Variants in UBXN4 observed in about 807,000 individuals in gnomAD.
UBXN4 encodes UBX domain protein 4, also known as UBX domain-containing protein 4.
Under a neutral mutation model 66.2 loss-of-function variants are expected in UBXN4, and 35 were observed. The observed-to-expected ratio is 0.53, with a 90% CI of 0.40 to 0.70. The LOEUF is 0.70. Among genes scored for constraint, UBXN4 ranks in the 30% least tolerant of loss-of-function variants. UBXN4 has a pLI of 0.00. For missense variants in UBXN4, 533 were observed against 599.8 expected (o/e 0.89, Z 1.16); for synonymous variants, 203 against 204.5 (o/e 0.99, Z 0.06).
chr2:135,755,734 C>T (rs187744869), intron 5 of UBXN4, 43 bp downstream of exon 5: 1 of 1,236,312 alleles, frequency 8.1e-7, no homozygotes, highest in Non-Finnish European at 1.1e-6. Flanking sequence ...GAAGCTCCTT[C>T]ACTACATTTT....
intron 3 of UBXN4, 160 bp from the exon 4 acceptor site, chr2:135,753,999 T>C (rs2077263394): frequency 3.4e-6 from 2 of 590,498 alleles, no homozygotes; most frequent in Admixed American, 6.5e-5. Flanking sequence ...CATGTATTAA[T>C]ACTACAGGTA....
chr2:135,772,354 GT>G, intron 8 of UBXN4, 65 bp from the exon 9 acceptor site: 2 of 1,567,858 alleles, frequency 1.3e-6, no homozygotes, highest in Non-Finnish European at 1.7e-6. Flanking sequence ...ATGCATATTT[GT>G]TTGGAATTGT....
rs748274140 is a variant in UBXN4 at position 135,761,805 on chromosome 2, T to A, written c.509-13T>A. 8 of 1,584,470 alleles carry A rather than the reference T, an allele frequency of 5.0e-6. No individual in the cohort carries two copies. The South Asian group carries it at 9.4e-5, about 19-fold the overall frequency. On this transcript the variant is annotated splice_polypyrimidine_tract_variant and intron_variant, in intron 5 of 12. Transcript: ENST00000272638. ...AATGCAGTATTCTTATTTCTTTTTA[T>A]TTAATAATTAAGGAGGAGAAAGTGC...
chr2:135,775,325 T>C (rs892242816), intron 9 of UBXN4, among the ~76,000 whole-genome samples: 2 of 152,194 alleles, frequency 1.3e-5, no homozygotes, highest in Admixed American at 1.3e-4. Context: ...TCCAAGAGAA[T>C]TGAAAACGTC....
chr2:135,774,968 C>T (rs1437314698), intron 9 of UBXN4, among the ~76,000 whole-genome samples: 1 of 151,920 alleles, frequency 6.6e-6, no homozygotes, highest in Non-Finnish European at 1.5e-5. Flanking sequence ...ATAAAGACAC[C>T]CAGTTCAAAT....
rs781746776 is a variant in UBXN4, at chr2:135,741,892, A to G, written c.-38A>G. ...CGGAGCCGGCTTCGGGACTGCGGAG[A>G]CTACACACCGAGCGAGCGCCTGGGC... On this transcript the variant is annotated 5_prime_UTR_variant, in exon 1 of 13. Coordinates refer to ENST00000272638, the MANE Select transcript of UBXN4 (RefSeq NM_014607.4). 2.0e-5 allele frequency: 32 copies of G among 1,593,492 alleles called. No homozygotes were observed. The Admixed American group carries it at 5.6e-4, about 28-fold the overall frequency.
intron 1 of UBXN4, chr2:135,747,675 C>A: frequency 2.2e-6 from 1 of 456,370 alleles, no homozygotes; most frequent in Non-Finnish European, 4.4e-6. Flanking sequence ...CACTGTGTCA[C>A]CCAGGCTGGA....
Position 135,749,067 on chromosome 2 carries a change from T to C in UBXN4, c.185+698T>C, listed in dbSNP as rs142326528. ...AAAAAAAAAAAGAATGTTTATGCTA[T>C]GTTTTTGGGTATCTAAGGCATATTA... On this transcript the variant is annotated intron_variant, in intron 2 of 12. Transcript: ENST00000272638. 3.1e-3 allele frequency among the ~76,000 whole-genome samples: 476 copies of C among 152,164 alleles called. 3 individuals are homozygous for C. The highest frequency in any genetic ancestry group is 0.011 in the African/African-American group (438 of 41,526).
chr2:135,769,864 A>G (rs2077372598), intron 7 of UBXN4, 41 bp downstream of exon 7: 1 of 1,517,846 alleles, frequency 6.6e-7, no homozygotes, highest in South Asian at 1.2e-5. Flanking sequence ...CCTCTCATTA[A>G]CTGAGGTTGT....
At chr2:135,766,153 C>CA (rs111265108) in intron 6 of UBXN4, among the ~76,000 whole-genome samples, 132 of 121,228 alleles carry the variant, frequency 1.1e-3, no homozygotes, top group Middle Eastern at 4.2e-3. Context: ...AAAGCCATCT[C>CA]AAAAAAAAAA....
In UBXN4 at chr2:135,780,318, C is replaced by A. The variant is rs768037984; in HGVS notation, c.1321C>A (p.Gln441Lys). ...CTTGTTTAGTAATCCGCCTCCCACA[C>A]AGACTTCAGTGAGAGTAACATCGTC... ...NFLFSNPPPT[Q>K]TSVRVTSSEP... The change falls in exon 12 of 13, where the codon CAG (glutamine) becomes AAG (lysine). Residue 441 changes from glutamine to lysine, a missense_variant. Gln to Lys is a moderately conservative substitution (Grantham distance 53). Transcript: ENST00000272638. 1.3e-5 allele frequency: 21 copies of A among 1,614,078 alleles called. No individual in the cohort carries two copies. The highest frequency in any genetic ancestry group is 1.7e-5 in the Non-Finnish European group (20 of 1,180,032).
intron 10 of UBXN4, among the ~76,000 whole-genome samples, chr2:135,777,665 T>A (rs139068486): frequency 0.17 from 26,058 of 151,758 alleles, 2,528 homozygotes; most frequent in Middle Eastern, 0.37. Context: ...GGTGGGTGGA[T>A]CACAAGGTCA....
At chr2:135,743,407 T>C (rs1373581901) in intron 1 of UBXN4, among the ~76,000 whole-genome samples, 4 of 152,212 alleles carry the variant, frequency 2.6e-5, no homozygotes, top group Admixed American at 1.3e-4. Flanking sequence ...TGTACATTAG[T>C]AGGTTTTTGA....
intron 6 of UBXN4, among the ~76,000 whole-genome samples, chr2:135,763,470 T>G (rs1372580309): frequency 1.3e-5 from 2 of 152,238 alleles, no homozygotes; most frequent in Admixed American, 1.3e-4. Flanking sequence ...ATTCATGCAT[T>G]TTTCTCTGAC....
intron 11 of UBXN4, among the ~76,000 whole-genome samples, chr2:135,779,884 A>C (rs566773177): frequency 2.7e-5 from 1 of 37,566 alleles, no homozygotes; most frequent in African/African-American, 4.3e-5. Context: ...TATAATTATA[A>C]TATATTATAT....
At chr2:135,743,803 C>T (rs1395875184) in intron 1 of UBXN4, among the ~76,000 whole-genome samples, 1 of 152,092 alleles carries the variant, frequency 6.6e-6, no homozygotes, top group East Asian at 1.9e-4. Flanking sequence ...TTTGGAAACT[C>T]TAGTACAAAT....
At chr2:135,776,684 C>T (rs917689259) in intron 10 of UBXN4, among the ~76,000 whole-genome samples, 7 of 152,210 alleles carry the variant, frequency 4.6e-5, no homozygotes, top group Non-Finnish European at 8.8e-5. Flanking sequence ...GCCTCGACCT[C>T]CTGGGCTCAA....
intron 1 of UBXN4, among the ~76,000 whole-genome samples, chr2:135,744,052 A>G (rs947787256): frequency 2.0e-5 from 3 of 152,184 alleles, no homozygotes; most frequent in Admixed American, 2.0e-4. Flanking sequence ...AATCCCCAAG[A>G]CTAAGTAGGA....
intron 6 of UBXN4, among the ~76,000 whole-genome samples, chr2:135,764,088 C>T (rs1400820084): frequency 6.6e-6 from 1 of 151,950 alleles, no homozygotes; most frequent in Non-Finnish European, 1.5e-5. Flanking sequence ...CATGCCACTA[C>T]ACTCCAGCCT....
Sources: allele counts gnomAD v4.1 joint callset (sites outside exome capture counted in the v4.1 genomes callset), GRCh38; gene constraint gnomAD v4.1.1; transcripts MANE v1.5; gene names NCBI Gene and HGNC (gene_info 2026-07-23, HGNC 2026-07-21).